Variants in LHFPL3 observed in about 807,000 individuals in gnomAD.
The protein encoded by LHFPL3 is LHFPL tetraspan subfamily member 3.
Under a neutral mutation model 19.3 loss-of-function variants are expected in LHFPL3, and 5 were observed. The ratio of observed to expected loss-of-function variants is 0.26; its 90% CI spans 0.14 to 0.54. LHFPL3 has a LOEUF of 0.54. LHFPL3 is among the 20% of genes least tolerant of loss of function. LHFPL3 has a pLI of 0.94. For missense variants in LHFPL3, 249 were observed against 307.4 expected, an observed-to-expected ratio of 0.81 and a Z score of 1.42; for synonymous variants, 133 against 126.2, an observed-to-expected ratio of 1.05 and a Z score of -0.36.
At chr7:104,505,718 G>C (rs1793685712) in intron 1 of LHFPL3, among the ~76,000 whole-genome samples, 1 of 152,172 alleles carries the variant, frequency 6.6e-6, no homozygotes, top group African/African-American at 2.4e-5. Context: ...ATCCAATTGA[G>C]TATTCAAATA....
chr7:104,574,019 G>A (rs1790278680), intron 1 of LHFPL3, among the ~76,000 whole-genome samples: 1 of 152,182 alleles, frequency 6.6e-6, no homozygotes, highest in Admixed American at 6.5e-5. Context: ...GCTGCAGCTT[G>A]GAAATATTTA....
At chr7:104,736,497 G>A (rs887022565) in intron 1 of LHFPL3, among the ~76,000 whole-genome samples, 178 bp from the exon 2 acceptor site, 5 of 139,894 alleles carry the variant, frequency 3.6e-5, no homozygotes, top group Non-Finnish European at 3.1e-5. Flanking sequence ...ACACGTGCAC[G>A]TTTGCATGCC....
intron 2 of LHFPL3, among the ~76,000 whole-genome samples, chr7:104,840,211 A>C (rs1791170168): frequency 1.3e-5 from 2 of 151,736 alleles, no homozygotes; most frequent in Non-Finnish European, 2.9e-5. Context: ...ACTAAATTAC[A>C]ATACTATCTT....
chr7:104,690,441 T>C (rs558752757), intron 1 of LHFPL3, among the ~76,000 whole-genome samples: 1 of 152,374 alleles, frequency 6.6e-6, no homozygotes, highest in South Asian at 2.1e-4. Context: ...TTCGCAAAGA[T>C]CTTGATCACT....
At chr7:104,597,026 C>T (rs996860530) in intron 1 of LHFPL3, among the ~76,000 whole-genome samples, 1 of 152,142 alleles carries the variant, frequency 6.6e-6, no homozygotes, top group Non-Finnish European at 1.5e-5. Flanking sequence ...CTGTTCTTTC[C>T]CACTGAAACC....
intron 1 of LHFPL3, among the ~76,000 whole-genome samples, chr7:104,629,820 A>G (rs759533): frequency 0.96 from 145,889 of 152,238 alleles, 70,136 homozygotes; most frequent in Non-Finnish European, 1. Flanking sequence ...TGTTGCAGCC[A>G]CATTGGATGG....
chr7:104,726,673 T>A (rs1793597321), intron 1 of LHFPL3, among the ~76,000 whole-genome samples: 1 of 152,204 alleles, frequency 6.6e-6, no homozygotes, highest in Non-Finnish European at 1.5e-5. Context: ...CAGTCCTTTT[T>A]ATGGATGCAT....
intron 2 of LHFPL3, among the ~76,000 whole-genome samples, chr7:104,792,692 G>T (rs923744982): frequency 1.3e-5 from 2 of 152,180 alleles, no homozygotes; most frequent in African/African-American, 4.8e-5. Context: ...TTATAGAGCA[G>T]AAAAATGAGA....
At chr7:104,342,917 A>C (rs1359932610) in intron 1 of LHFPL3, among the ~76,000 whole-genome samples, 1 of 152,182 alleles carries the variant, frequency 6.6e-6, no homozygotes, top group Non-Finnish European at 1.5e-5. Flanking sequence ...CAGAGAACAA[A>C]GGAGAAAATT....
At chr7:104,825,094 A>G (rs1790791554) in intron 2 of LHFPL3, among the ~76,000 whole-genome samples, 1 of 150,816 alleles carries the variant, frequency 6.6e-6, no homozygotes, top group Non-Finnish European at 1.5e-5. Flanking sequence ...GGAGAGAGTT[A>G]AGATAGGAGG....
At chr7:104,669,211 C>T in intron 1 of LHFPL3, 2 of 1,613,958 alleles carry the variant, frequency 1.2e-6, no homozygotes, top group Non-Finnish European at 1.7e-6. Context: ...AAGTTCTAAC[C>T]CTCCTGCTCG....
intron 1 of LHFPL3, among the ~76,000 whole-genome samples, chr7:104,332,360 G>T (rs1247015817): frequency 6.7e-6 from 1 of 149,814 alleles, no homozygotes; most frequent in Non-Finnish European, 1.5e-5. Context: ...CTCTTGAGTA[G>T]CTAGGGCTAC....
intron 1 of LHFPL3, among the ~76,000 whole-genome samples, chr7:104,524,375 G>A (rs896459233): frequency 3.6e-4 from 55 of 152,160 alleles, no homozygotes; most frequent in African/African-American, 1.3e-3. Context: ...AGAAGCTGAG[G>A]CTTAAAGCAT....
chr7:104,430,427 T>TATATAC (rs1310899511), intron 1 of LHFPL3, among the ~76,000 whole-genome samples: 1 of 12,034 alleles, frequency 8.3e-5, no homozygotes, highest in Non-Finnish European at 1.9e-4. Flanking sequence ...TACATATATA[T>TATATAC]ATATATATAT....
At chr7:104,876,262 A>G (rs1477754954) in intron 2 of LHFPL3, among the ~76,000 whole-genome samples, 2 of 152,216 alleles carry the variant, frequency 1.3e-5, no homozygotes, top group African/African-American at 2.4e-5. Context: ...ATGGCAACAA[A>G]AGCCAAAATT....
intron 1 of LHFPL3, among the ~76,000 whole-genome samples, chr7:104,397,745 G>C (rs1182295943): frequency 6.6e-6 from 1 of 152,040 alleles, no homozygotes; most frequent in Non-Finnish European, 1.5e-5. Context: ...TGAACAACCA[G>C]AAAAAAAGCA....
chr7:104,836,933 G>A (rs888083987), intron 2 of LHFPL3, among the ~76,000 whole-genome samples: 2 of 152,212 alleles, frequency 1.3e-5, no homozygotes, highest in Admixed American at 1.3e-4. Flanking sequence ...TAATGAAAAT[G>A]TGTTTGAAGA....
In LHFPL3 at chr7:104,399,997, G is replaced by C. The variant is rs899824349; in HGVS notation, c.445+70773G>C. 1.3e-5 allele frequency among the ~76,000 whole-genome samples: 2 copies of C among 150,568 alleles called. No homozygotes were observed. Among genetic ancestry groups the C allele is most frequent in the Admixed American group, 1.3e-4 (2 of 15,058 alleles). On this transcript the variant is annotated intron_variant, in intron 1 of 2. Transcript: ENST00000424859. This position sits in a 1 kb window ranked among gnomAD's most constrained non-coding sequence, Gnocchi z 4.4. ...CAGATGCCTGTAATCCCAGCTACCC[G>C]GGAGGCTGAGGCTGAAGAATCCTTT...
chr7:104,608,540 A>C (rs1791150548), intron 1 of LHFPL3, among the ~76,000 whole-genome samples: 1 of 150,918 alleles, frequency 6.6e-6, no homozygotes, highest in South Asian at 2.1e-4. Context: ...AGATATACCT[A>C]ATGCTAAATG....
Sources: allele counts gnomAD v4.1 joint callset (sites outside exome capture counted in the v4.1 genomes callset), GRCh38; gene constraint gnomAD v4.1.1; non-coding constraint Gnocchi (gnomAD v3.1); transcripts MANE v1.5; gene names NCBI Gene and HGNC (gene_info 2026-07-23, HGNC 2026-07-21).